Variants in LRRC42 observed in about 807,000 individuals in gnomAD.
The protein encoded by LRRC42 is leucine-rich repeat-containing protein 42.
In LRRC42, 43 loss-of-function variants were observed where a neutral mutation model predicts 44.3. The observed-to-expected ratio is 0.97, with a 90% CI of 0.76 to 1.25. The LOEUF is 1.25. Ranked by LOEUF, LRRC42 falls within the 50% of genes most tolerant of loss-of-function variation. LRRC42 has a pLI of 0.00. For synonymous variants in LRRC42, 207 were observed against 195.2 expected (o/e 1.06, Z -0.50); for missense variants, 540 against 509.1 (o/e 1.06, Z -0.58).
rs1250624698 is a variant in LRRC42, at chr1:53,952,403, T to C, written c.404T>C (p.Leu135Pro). The C allele has an allele frequency of 6.2e-7, 1 of 1,612,330 alleles. No homozygotes were observed. Among genetic ancestry groups the C allele is most frequent in the Non-Finnish European group, 8.5e-7 (1 of 1,178,422 alleles). The change falls in exon 3 of 9, where the codon CTG (leucine) becomes CCG (proline). Residue 135 changes from leucine (L) to proline (P), a missense_variant. By Grantham distance (98) the Leu-to-Pro change is moderately conservative. Transcript: ENST00000371370. ...RQKFTEPGAG[L>P]RALQKFTEAY... ...AAATTCACTGAGCCAGGTGCAGGGC[T>C]GAGGGCTTTACAGAAATTCACTGAG...
chr1:53,964,798 C>G (rs1655083860), intron 7 of LRRC42, among the ~76,000 whole-genome samples: 3 of 152,156 alleles, frequency 2.0e-5, no homozygotes, highest in African/African-American at 7.2e-5. Context: ...TAAGAAATCA[C>G]TTGCCATGGG....
intron 8 of LRRC42, among the ~76,000 whole-genome samples, chr1:53,967,133 G>A (rs1174668036): frequency 6.6e-6 from 1 of 152,054 alleles, no homozygotes; most frequent in Non-Finnish European, 1.5e-5. Context: ...TAAAAGAAAA[G>A]GAAGTAAATG....
In LRRC42 at chr1:53,952,090, C is replaced by G. The variant is rs1230574025; in HGVS notation, c.91C>G (p.Leu31Val). Residue 31 changes from leucine (L) to valine (V), a missense_variant, in exon 3 of 9, where the codon CTG becomes GTG. Coordinates refer to ENST00000371370, the MANE Select transcript of LRRC42 (RefSeq NM_001256409.2). ...NGQLHMVNLA[L>V]DGVRSSLQKP... ...GCAGCTGCACATGGTCAATCTGGCTCTGGATGGTGTCAGGAGTAGCCTGCA... is the reference window on the plus strand; with the variant it reads ...GCAGCTGCACATGGTCAATCTGGCTGTGGATGGTGTCAGGAGTAGCCTGCA... 3 of 1,614,106 alleles carry G rather than the reference C, an allele frequency of 1.9e-6. No homozygotes were observed. The African/African-American group carries it at 4.0e-5, about 22-fold the overall frequency.
Position 53,967,930 on chromosome 1 carries a change from T to C in LRRC42, c.1278T>C (p.Asn426=). 6.2e-7 allele frequency: 1 copy of C among 1,613,144 alleles called. No homozygotes were observed. Among genetic ancestry groups the C allele is most frequent in the Non-Finnish European group, 8.5e-7 (1 of 1,179,260 alleles). Residue 426 remains asparagine, a synonymous_variant, in exon 9 of 9, where the codon AAT becomes AAC. Coordinates refer to ENST00000371370, the MANE Select transcript of LRRC42 (RefSeq NM_001256409.2). ...CTGTGGAAGACTGGGACTTGTTAAA[T>C]TCCTATTGATTAGTAGATACAAGTT... ...CLAVEDWDLL[N]SY
chr1:53,952,460 G>A lies in LRRC42; in HGVS notation c.461G>A (p.Cys154Tyr). Reference protein sequence around the residue: ...AYGSLVLCSLCLRNRYLVISE... With the variant: ...AYGSLVLCSLYLRNRYLVISE... ...GGAAGTTTGGTGCTTTGCTCCCTGTGTTTGCGAAACAGGTGGGTGTTCTGA... is the reference window on the plus strand; with the variant it reads ...GGAAGTTTGGTGCTTTGCTCCCTGTATTTGCGAAACAGGTGGGTGTTCTGA... The change falls in exon 3 of 9, where the codon TGT (cysteine) becomes TAT (tyrosine). Residue 154 changes from cysteine (C) to tyrosine (Y), a missense_variant. Coordinates refer to ENST00000371370, the MANE Select transcript of LRRC42 (RefSeq NM_001256409.2). 1 of 1,594,816 alleles carries A rather than the reference G, an allele frequency of 6.3e-7. No individual in the cohort carries two copies.
chr1:53,968,032 T>C lies in LRRC42; in HGVS notation c.*93T>C. 1 of 1,337,234 alleles carries C rather than the reference T, an allele frequency of 7.5e-7. No homozygotes were observed. The highest frequency in any genetic ancestry group is 1.0e-6 in the Non-Finnish European group (1 of 965,820). 82.8% of individuals were successfully genotyped at this position (1,337,234 alleles called of 1,614,324 possible). On this transcript the variant is annotated 3_prime_UTR_variant, in exon 9 of 9. Coordinates refer to ENST00000371370, the MANE Select transcript of LRRC42 (RefSeq NM_001256409.2). ...GATTTACTTTTTGTTTGAATTTACC[T>C]ATGGCATTAGCATAGTAAGCAGATA...
chr1:53,954,683 A>C (rs1440853834), intron 3 of LRRC42, among the ~76,000 whole-genome samples: 1 of 152,214 alleles, frequency 6.6e-6, no homozygotes, highest in East Asian at 1.9e-4. Flanking sequence ...TTATAGCTTA[A>C]TATTTGCCAT....
At chr1:53,951,389 A>C (rs1038221039) in intron 2 of LRRC42, among the ~76,000 whole-genome samples, 1 of 152,194 alleles carries the variant, frequency 6.6e-6, no homozygotes, top group African/African-American at 2.4e-5. Flanking sequence ...CAACTTCCTT[A>C]GCATGAATTT....
intron 5 of LRRC42, 114 bp from the exon 6 acceptor site, chr1:53,961,920 A>C (rs1471111146): frequency 1.4e-6 from 1 of 728,914 alleles, no homozygotes; most frequent in East Asian, 2.6e-5. Context: ...AAGTTTGCCA[A>C]CTCAAATGTT....
At chr1:53,951,632 C>T (rs1654682891) in intron 2 of LRRC42, among the ~76,000 whole-genome samples, 1 of 152,202 alleles carries the variant, frequency 6.6e-6, no homozygotes, top group Non-Finnish European at 1.5e-5. Context: ...ACCATGTTGG[C>T]CAGGCTGGTC....
chr1:53,964,367 T>C (rs1484169487), intron 7 of LRRC42, among the ~76,000 whole-genome samples: 2 of 152,086 alleles, frequency 1.3e-5, no homozygotes, highest in African/African-American at 4.8e-5. Flanking sequence ...GCTCCAGCTG[T>C]CCTTGCGAGG....
At chr1:53,962,191 G>T in intron 6 of LRRC42, 69 bp downstream of exon 6, 1 of 1,481,152 alleles carries the variant, frequency 6.8e-7, no homozygotes, top group Non-Finnish European at 9.4e-7. Context: ...GTGCTAATTG[G>T]TATTTAGAAA....
At chr1:53,955,491 T>G (rs1654812205) in intron 3 of LRRC42, among the ~76,000 whole-genome samples, 1 of 151,240 alleles carries the variant, frequency 6.6e-6, no homozygotes, top group Non-Finnish European at 1.5e-5. Flanking sequence ...AGAGATAGGG[T>G]TTCACCATGT....
At chr1:53,951,179 A>T (rs1178658396) in intron 2 of LRRC42, among the ~76,000 whole-genome samples, 2 of 152,228 alleles carry the variant, frequency 1.3e-5, no homozygotes, top group Non-Finnish European at 2.9e-5. Flanking sequence ...ATTTATTTCT[A>T]GTCTTTTTTC....
intron 4 of LRRC42, among the ~76,000 whole-genome samples, chr1:53,959,115 C>G (rs987599760): frequency 3.9e-5 from 6 of 152,200 alleles, no homozygotes; most frequent in African/African-American, 1.4e-4. Context: ...AACTTCTGAC[C>G]TCAGGTGATC....
chr1:53,964,081 C>T (rs568937643), intron 7 of LRRC42, among the ~76,000 whole-genome samples: 2 of 151,974 alleles, frequency 1.3e-5, no homozygotes, highest in South Asian at 4.2e-4. Context: ...TCTGTCCCAC[C>T]CCCTCCTTGC....
rs987237071 is a variant in LRRC42, at chr1:53,952,391, C to T, written c.392C>T (p.Pro131Leu). The change falls in exon 3 of 9, where the codon CCA (proline) becomes CTA (leucine). Residue 131 changes from proline to leucine, a missense_variant. Physicochemically the swap from Pro to Leu is moderately conservative, Grantham distance 98. Coordinates refer to ENST00000371370, the MANE Select transcript of LRRC42 (RefSeq NM_001256409.2). ...GAAGCCAGACAGAAATTCACTGAGC[C>T]AGGTGCAGGGCTGAGGGCTTTACAG... ...AAEARQKFTE[P>L]GAGLRALQKF... 18 of 1,613,848 alleles carry T rather than the reference C, an allele frequency of 1.1e-5. No homozygotes were observed. The Admixed American group carries it at 2.7e-4, about 24-fold the overall frequency.
Position 53,952,357 on chromosome 1 carries a change from T to C in LRRC42, c.358T>C (p.Ser120Pro), listed in dbSNP as rs1654715089. The C allele has an allele frequency of 1.2e-6, 2 of 1,614,142 alleles. No homozygotes were observed. The highest frequency in any genetic ancestry group is 1.7e-6 in the Non-Finnish European group (2 of 1,179,946). The part of the protein sequence containing the change: ...FPEQIAEKLF[S>P]AAEARQKFTE... The stretch of plus-strand genomic sequence containing the variant: ...TGAGCAGATTGCTGAAAAGCTGTTC[T>C]CTGCTGCTGAAGCCAGACAGAAATT... Residue 120 changes from serine to proline, a missense_variant, in exon 3 of 9, where the codon TCT (serine) becomes CCT (proline). By Grantham distance (74) the Ser-to-Pro change is moderately conservative. Transcript: ENST00000371370.
intron 3 of LRRC42, 93 bp downstream of exon 3, chr1:53,952,565 A>G (rs954479239): frequency 5.0e-6 from 5 of 995,636 alleles, no homozygotes; most frequent in Non-Finnish European, 7.3e-6. Flanking sequence ...TTCCCTCATC[A>G]AATAGCACTT....
Sources: gnomAD v4.1 joint callset for allele counts (sites outside exome capture counted in the v4.1 genomes callset) on GRCh38, gnomAD v4.1.1 for gene constraint, MANE v1.5 for transcripts, NCBI Gene and HGNC (gene_info 2026-07-23, HGNC 2026-07-21) for gene names.